The following KCNH8 variants were observed in gnomAD, a reference collection of about 807,000 sequenced individuals.
KCNH8 encodes the protein potassium voltage-gated channel subfamily H member 8, also known as voltage-gated delayed rectifier potassium channel KCNH8.
In KCNH8, 70 loss-of-function variants were observed where a neutral mutation model predicts 103.6. The ratio of observed to expected loss-of-function variants is 0.68; its 90% confidence interval spans 0.56 to 0.82. The LOEUF (loss-of-function observed/expected upper bound fraction) is 0.82. KCNH8 is among the 40% of genes least tolerant of loss of function. The pLI is 0.00. For synonymous variants in KCNH8, 498 were observed against 489.4 expected, an observed-to-expected ratio of 1.02 and a Z score of -0.23; for missense variants, 1,217 against 1,329.9, an observed-to-expected ratio of 0.92 and a Z score of 1.32.
chr3:19,415,155 T>A (rs893317442), intron 7 of KCNH8, among the ~76,000 whole-genome samples: 16 of 151,984 alleles, frequency 1.1e-4, no homozygotes, highest in African/African-American at 3.4e-4. Flanking sequence ...AAAGAAATGA[T>A]GGTAATAATA....
chr3:19,455,857 C>T (rs1266338165), intron 10 of KCNH8, among the ~76,000 whole-genome samples: 2 of 152,024 alleles, frequency 1.3e-5, no homozygotes, highest in African/African-American at 4.8e-5. Context: ...ACACTAGTTG[C>T]TTAGCAGAGA....
chr3:19,422,206 G>C (rs1023220268), intron 7 of KCNH8, among the ~76,000 whole-genome samples: 2 of 151,982 alleles, frequency 1.3e-5, no homozygotes, highest in African/African-American at 2.4e-5. Flanking sequence ...TTATATCTTA[G>C]TTTCTATCTA....
At chr3:19,281,648 G>A (rs955876458) in intron 3 of KCNH8, among the ~76,000 whole-genome samples, 1 of 152,064 alleles carries the variant, frequency 6.6e-6, no homozygotes, top group African/African-American at 2.4e-5. Context: ...TAATGGATGG[G>A]ATAAGTGTCT....
chr3:19,272,289 CAAG>C (rs894137831), intron 2 of KCNH8, among the ~76,000 whole-genome samples: 2 of 152,008 alleles, frequency 1.3e-5, no homozygotes, highest in Admixed American at 6.5e-5. Context: ...GGTACAATGA[CAAG>C]AAGAAGGGGG....
chr3:19,451,065 A>G, intron 9 of KCNH8, 90 bp from the exon 10 acceptor site: 1 of 1,258,064 alleles, frequency 7.9e-7, no homozygotes, highest in South Asian at 1.3e-5. Flanking sequence ...AGCAGGAGAC[A>G]GTAGGAAGAG....
At chr3:19,330,384 G>C (rs1411576403) in intron 3 of KCNH8, among the ~76,000 whole-genome samples, 1 of 152,010 alleles carries the variant, frequency 6.6e-6, no homozygotes, top group African/African-American at 2.4e-5. Context: ...AACCATATAT[G>C]ATCTAGACGA....
At chr3:19,519,762 T>C (rs941803206) in intron 15 of KCNH8, among the ~76,000 whole-genome samples, 27 of 151,956 alleles carry the variant, frequency 1.8e-4, no homozygotes, top group Non-Finnish European at 2.8e-4. Context: ...TTTCAGATAC[T>C]GCTCTTAGCT....
intron 7 of KCNH8, among the ~76,000 whole-genome samples, chr3:19,399,547 T>A (rs2066577512): frequency 6.6e-6 from 1 of 151,918 alleles, no homozygotes; most frequent in Non-Finnish European, 1.5e-5. Flanking sequence ...CAAAATGACC[T>A]CAATGTGTGG....
intron 13 of KCNH8, among the ~76,000 whole-genome samples, chr3:19,515,019 AAT>A (rs1308472297): frequency 6.6e-6 from 1 of 151,820 alleles, no homozygotes; most frequent in African/African-American, 2.4e-5. Flanking sequence ...TATTTGACTG[AAT>A]ATGTTCCAAA....
chr3:19,291,341 G>A (rs2064922368), intron 3 of KCNH8, among the ~76,000 whole-genome samples: 1 of 152,078 alleles, frequency 6.6e-6, no homozygotes, highest in African/African-American at 2.4e-5. Flanking sequence ...ATGTTAGGGT[G>A]TCAATTTTAG....
At chr3:19,499,153 C>G (rs1251110511) in intron 11 of KCNH8, among the ~76,000 whole-genome samples, 1 of 152,112 alleles carries the variant, frequency 6.6e-6, no homozygotes, top group East Asian at 1.9e-4. Flanking sequence ...GCAGAAGCCT[C>G]AGGAGCCAAT....
intron 11 of KCNH8, among the ~76,000 whole-genome samples, chr3:19,485,114 T>G (rs943854874): frequency 5.4e-4 from 82 of 152,220 alleles, no homozygotes; most frequent in African/African-American, 1.9e-3. Flanking sequence ...TGATTCCTAA[T>G]GCCTTTGCTG....
intron 1 of KCNH8, among the ~76,000 whole-genome samples, chr3:19,168,014 T>C (rs1047005915): frequency 4.6e-5 from 7 of 150,868 alleles, no homozygotes; most frequent in African/African-American, 1.5e-4. Flanking sequence ...TCCACTTCTT[T>C]TTTTTTTTTT....
intron 3 of KCNH8, among the ~76,000 whole-genome samples, chr3:19,290,618 C>T (rs559583739): frequency 4.6e-5 from 7 of 152,156 alleles, no homozygotes; most frequent in South Asian, 4.1e-4. Context: ...TGCTGGATAA[C>T]GTTTTTGATG....
At chr3:19,346,101 T>A (rs1345973122) in intron 4 of KCNH8, among the ~76,000 whole-genome samples, 1 of 152,100 alleles carries the variant, frequency 6.6e-6, no homozygotes, top group African/African-American at 2.4e-5. Context: ...ATATTTCCCA[T>A]GGCTTCTGAT....
intron 11 of KCNH8, among the ~76,000 whole-genome samples, chr3:19,506,963 G>T (rs887116406): frequency 6.6e-6 from 1 of 152,116 alleles, no homozygotes; most frequent in Admixed American, 6.5e-5. Flanking sequence ...GCCTTCCCCA[G>T]TCCGAGGGCA....
At chr3:19,378,216 A>C (rs1414498903) in intron 5 of KCNH8, among the ~76,000 whole-genome samples, 3 of 152,200 alleles carry the variant, frequency 2.0e-5, no homozygotes, top group African/African-American at 7.2e-5. Flanking sequence ...CAAACCATAA[A>C]ATTTGTACAT....
chr3:19,353,981 A>G (rs1248720025), intron 5 of KCNH8, among the ~76,000 whole-genome samples: 1 of 152,172 alleles, frequency 6.6e-6, no homozygotes, highest in Admixed American at 6.5e-5. Flanking sequence ...ATACTTAGAA[A>G]ACCCCATTGT....
At chr3:19,277,436 C>T (rs904570192) in intron 2 of KCNH8, among the ~76,000 whole-genome samples, 10 of 152,044 alleles carry the variant, frequency 6.6e-5, no homozygotes, top group Non-Finnish European at 8.8e-5. Flanking sequence ...TGGTGGTGCA[C>T]GTCTGTAGTC....
Sources: allele counts gnomAD v4.1 joint callset (sites outside exome capture counted in the v4.1 genomes callset), GRCh38; gene constraint gnomAD v4.1.1; transcripts MANE v1.5; gene names NCBI Gene and HGNC (gene_info 2026-07-23, HGNC 2026-07-21).